NEK10: variants seen among roughly 807,000 people sequenced by gnomAD.
NEK10 encodes the protein NIMA related kinase 10, also known as serine/threonine-protein kinase Nek10.
NEK10 carries 122 observed loss-of-function variants against 159.8 expected under a neutral mutation model. That is an observed-to-expected ratio of 0.76 (90% CI 0.66 to 0.89). The LOEUF (loss-of-function observed/expected upper bound fraction) is 0.89. Ranked by LOEUF, NEK10 falls within the 40% of genes least tolerant of loss-of-function variation. The pLI, the probability that NEK10 is intolerant of heterozygous loss-of-function variation, is 0.00. For missense variants in NEK10, 1,342 were observed against 1,323.1 expected, an observed-to-expected ratio of 1.01 and a Z score of -0.22; for synonymous variants, 466 against 457.1, an observed-to-expected ratio of 1.02 and a Z score of -0.25.
intron 32 of NEK10, among the ~76,000 whole-genome samples, chr3:27,121,311 A>C (rs1941270282): frequency 6.6e-6 from 1 of 152,230 alleles, no homozygotes; most frequent in Non-Finnish European, 1.5e-5. Context: ...TGGAGAAAAG[A>C]AGCCAGAAAC....
chr3:27,360,956 C>G (rs1012556184), intron 1 of NEK10, among the ~76,000 whole-genome samples: 6 of 152,156 alleles, frequency 3.9e-5, no homozygotes, highest in Non-Finnish European at 7.4e-5. Flanking sequence ...TAAAAAGAAC[C>G]AAGAATTCTA....
At chr3:27,151,183 C>T (rs528314687) in intron 30 of NEK10, among the ~76,000 whole-genome samples, 14 of 152,272 alleles carry the variant, frequency 9.2e-5, no homozygotes, top group East Asian at 1.9e-4. Flanking sequence ...CACCACCTCC[C>T]GGAAGGAGGC....
chr3:27,248,816 A>G (rs995562166), intron 23 of NEK10, among the ~76,000 whole-genome samples: 1 of 152,182 alleles, frequency 6.6e-6, no homozygotes, highest in Non-Finnish European at 1.5e-5. Context: ...GCTGAGAAGA[A>G]TGTATATTCT....
intron 1 of NEK10, among the ~76,000 whole-genome samples, chr3:27,367,078 G>T (rs967104400): frequency 6.6e-6 from 1 of 152,134 alleles, no homozygotes; most frequent in Non-Finnish European, 1.5e-5. Flanking sequence ...CCAAAGTGCT[G>T]GGATTCACGG....
chr3:27,283,562 T>C (rs748986126), intron 22 of NEK10, among the ~76,000 whole-genome samples: 11 of 152,154 alleles, frequency 7.2e-5, no homozygotes, highest in Admixed American at 2.0e-4. Context: ...GTCTCCCTAA[T>C]TGTAGTTAGT....
At chr3:27,210,632 T>C (rs1016765741) in intron 23 of NEK10, among the ~76,000 whole-genome samples, 1 of 152,216 alleles carries the variant, frequency 6.6e-6, no homozygotes, top group African/African-American at 2.4e-5. Flanking sequence ...GGTATAAAAC[T>C]TCAGTCATCT....
intron 23 of NEK10, chr3:27,216,225 G>T: frequency 4.1e-6 from 1 of 241,738 alleles, no homozygotes; most frequent in Non-Finnish European, 7.8e-6. Context: ...CCAAGAGAAG[G>T]GTCCTTAATA....
intron 22 of NEK10, among the ~76,000 whole-genome samples, chr3:27,280,500 T>C (rs1049579450): frequency 8.5e-5 from 13 of 152,154 alleles, no homozygotes; most frequent in African/African-American, 2.9e-4. Context: ...CACGGTAGAA[T>C]TCGACGAAAA....
At chr3:27,276,398 G>C (rs1037557206) in intron 22 of NEK10, among the ~76,000 whole-genome samples, 2 of 152,070 alleles carry the variant, frequency 1.3e-5, no homozygotes, top group Non-Finnish European at 2.9e-5. Context: ...AAGGGAGGAA[G>C]AGCATTCCAG....
chr3:27,324,991 C>T (rs9310840), intron 5 of NEK10, among the ~76,000 whole-genome samples: 3,155 of 152,260 alleles, frequency 0.021, 60 homozygotes, highest in East Asian at 0.063. Flanking sequence ...ACACTGGAAC[C>T]TCATAAAGAA....
At chr3:27,341,088 A>G (rs1411623750) in intron 5 of NEK10, among the ~76,000 whole-genome samples, 1 of 152,208 alleles carries the variant, frequency 6.6e-6, no homozygotes, top group Non-Finnish European at 1.5e-5. Context: ...AAGTGAAATA[A>G]CCCAGGCATA....
chr3:27,187,462 C>A (rs1322123234), intron 26 of NEK10, among the ~76,000 whole-genome samples: 1 of 151,980 alleles, frequency 6.6e-6, no homozygotes, highest in Non-Finnish European at 1.5e-5. Context: ...CCAATTTTTA[C>A]CCAAATTCAT....
chr3:27,174,528 G>A lies in NEK10; in HGVS notation c.2690-3C>T. On this transcript the variant is annotated splice_region_variant and splice_polypyrimidine_tract_variant and intron_variant, in intron 27 of 35. Coordinates refer to ENST00000691995, the MANE Select transcript of NEK10 (RefSeq NM_001394966.1). ...ATCATCTACCTCTGAATATGTATCT[G>A]CACATTAATAAAAACAATAAAAAAG... 1 of 1,606,402 alleles carries A rather than the reference G, an allele frequency of 6.2e-7. No individual in the cohort carries two copies. Among genetic ancestry groups the A allele is most frequent in the East Asian group, 2.2e-5 (1 of 44,774 alleles).
rs9990081 is a variant in NEK10 at position 27,143,690 on chromosome 3, C to A, written c.2870-2108G>T. Among the ~76,000 whole-genome samples, 613 of 152,162 alleles carry A rather than the reference C, an allele frequency of 4.0e-3. 6 individuals are homozygous for A. The highest frequency in any genetic ancestry group is 0.014 in the African/African-American group (582 of 41,522). ...TTACGCATGCCCCTATAAAAACAAG[C>A]AAGCAAACAAACAAAAATGTTAGTT... On this transcript the variant is annotated intron_variant, in intron 30 of 35. Coordinates refer to ENST00000691995, the MANE Select transcript of NEK10 (RefSeq NM_001394966.1).
intron 28 of NEK10, 117 bp from the exon 29 acceptor site, chr3:27,171,990 A>G: frequency 9.1e-7 from 1 of 1,099,554 alleles, no homozygotes; most frequent in Non-Finnish European, 1.3e-6. Context: ...GAGAAAAGGG[A>G]ACTCATACAC....
At chr3:27,151,639 G>A (rs1157261327) in intron 30 of NEK10, among the ~76,000 whole-genome samples, 18 of 152,106 alleles carry the variant, frequency 1.2e-4, no homozygotes, top group Admixed American at 1.2e-3. Flanking sequence ...ACCAGCAATG[G>A]AGCCAAACCA....
In NEK10 at chr3:27,120,912, GA is replaced by G. The variant is rs200459032; in HGVS notation, c.3082-1045del. On this transcript the variant is annotated intron_variant, in intron 32 of 35. Transcript: ENST00000691995. ...AATATAAATTCATAATAATAAGTCA[GA>G]AAAAATGGCATAATTTGTACTATGC... 2.6e-3 allele frequency among the ~76,000 whole-genome samples: 388 copies of G among 151,926 alleles called. 1 individual carries two copies. Among genetic ancestry groups the G allele is most frequent in the African/African-American group, 8.9e-3 (369 of 41,296 alleles).
In NEK10 at chr3:27,352,919, C is replaced by G. The variant is rs753789221; in HGVS notation, c.-37G>C. 6.7e-7 allele frequency: 1 copy of G among 1,489,676 alleles called. No homozygotes were observed. The highest frequency in any genetic ancestry group is 9.3e-7 in the Non-Finnish European group (1 of 1,071,128). The allele number at this position is 1,489,676 out of a possible 1,614,324, so 92.3% of individuals were successfully genotyped here. A position where few individuals can be genotyped will look rare whatever the true frequency, so the allele number is the denominator to read the frequency against. ...AATGCCCCAGAATTAACATCGCATT[C>G]CTTTAAAATTAAACCAGAGGGAAAA... On this transcript the variant is annotated splice_region_variant and 5_prime_UTR_variant, in exon 2 of 36. Transcript: ENST00000691995.
intron 12 of NEK10, among the ~76,000 whole-genome samples, chr3:27,302,774 G>C (rs1388337886): frequency 1.3e-5 from 2 of 152,190 alleles, no homozygotes; most frequent in Non-Finnish European, 2.9e-5. Flanking sequence ...GGGTCCACTA[G>C]TGTCCTCCCT....
Sources: gnomAD v4.1 joint callset for allele counts (sites outside exome capture counted in the v4.1 genomes callset) on GRCh38, gnomAD v4.1.1 for gene constraint, MANE v1.5 for transcripts, NCBI Gene and HGNC (gene_info 2026-07-23, HGNC 2026-07-21) for gene names.